The following FHIP1A variants were observed in gnomAD, a reference collection of about 807,000 sequenced individuals.
The protein encoded by FHIP1A is FHF complex subunit HOOK-interacting protein 1A.
Under a neutral mutation model 88.6 loss-of-function variants are expected in FHIP1A, and 61 were observed. That is an observed-to-expected ratio of 0.69 (90% CI 0.56 to 0.85). The LOEUF (loss-of-function observed/expected upper bound fraction) is 0.85, where lower values mean the gene tolerates loss of function less well. Ranked by LOEUF, FHIP1A falls within the 40% of genes least tolerant of loss-of-function variation. The pLI is 0.00. For synonymous variants in FHIP1A, 478 were observed against 496.0 expected (o/e 0.96, Z 0.48); for missense variants, 1,154 against 1,273.5 (o/e 0.91, Z 1.43).
At chr4:151,466,035 G>C (rs1322611178) in intron 2 of FHIP1A, among the ~76,000 whole-genome samples, 1 of 152,146 alleles carries the variant, frequency 6.6e-6, no homozygotes, top group Non-Finnish European at 1.5e-5. Flanking sequence ...AAGAGAGGAA[G>C]TCAAATTGTC....
At chr4:151,451,266 C>T (rs1728778731) in intron 1 of FHIP1A, among the ~76,000 whole-genome samples, 1 of 151,738 alleles carries the variant, frequency 6.6e-6, no homozygotes, top group East Asian at 1.9e-4. Context: ...AGATATTTTT[C>T]CCAGGTTACC....
chr4:151,619,434 A>G (rs941323461), intron 7 of FHIP1A, among the ~76,000 whole-genome samples: 2 of 152,248 alleles, frequency 1.3e-5, no homozygotes, highest in Non-Finnish European at 2.9e-5. Flanking sequence ...TTGGTAGGTC[A>G]CAATTTAAAG....
At chr4:151,455,559 GGT>G (rs1347973007) in intron 2 of FHIP1A, among the ~76,000 whole-genome samples, 1 of 152,170 alleles carries the variant, frequency 6.6e-6, no homozygotes, top group Non-Finnish European at 1.5e-5. Context: ...ACTTTCTTGA[GGT>G]GTGGCCCACC....
At chr4:151,485,717 G>C (rs1730060010) in intron 3 of FHIP1A, among the ~76,000 whole-genome samples, 1 of 151,724 alleles carries the variant, frequency 6.6e-6, no homozygotes, top group Non-Finnish European at 1.5e-5. Flanking sequence ...TCAGCTTCCT[G>C]AGTAGCTGGT....
At chr4:151,518,616 T>C (rs1301603158) in intron 3 of FHIP1A, among the ~76,000 whole-genome samples, 1 of 151,298 alleles carries the variant, frequency 6.6e-6, no homozygotes, top group Non-Finnish European at 1.5e-5. Flanking sequence ...TATACTTGCT[T>C]TGTCACATAA....
rs555443576 is a variant in FHIP1A at position 151,649,404 on chromosome 4, A to G, written c.1418-55A>G. 1.1e-3 allele frequency: 1,426 copies of G among 1,346,374 alleles called. 2 individuals carry two copies. The highest frequency in any genetic ancestry group is 1.4e-3 in the Non-Finnish European group (1,367 of 980,840). The allele number at this position is 1,346,374 out of a possible 1,614,324, so 83.4% of individuals were successfully genotyped here. A position where few individuals can be genotyped will look rare whatever the true frequency, so the allele number is the denominator to read the frequency against. On this transcript the variant is annotated intron_variant, in intron 10 of 13. Transcript: ENST00000435205. ...GCCCGAATGGGTCACAACCCCATCC[A>G]CTACCTTTGTCCCCACACCTCCCTT... is the stretch of plus-strand genomic sequence containing the variant.
intron 3 of FHIP1A, among the ~76,000 whole-genome samples, chr4:151,564,212 T>G (rs573330686): frequency 1.6e-4 from 24 of 152,354 alleles, no homozygotes; most frequent in African/African-American, 5.5e-4. Flanking sequence ...TGAAGAAGAA[T>G]CTTTGAATTC....
chr4:151,630,366 A>G (rs531799176), intron 8 of FHIP1A, among the ~76,000 whole-genome samples: 1 of 152,290 alleles, frequency 6.6e-6, no homozygotes, highest in Admixed American at 6.5e-5. Flanking sequence ...CTCCTCCCCA[A>G]AGGCTATCTC....
In FHIP1A at chr4:151,577,657, A is replaced by T; in HGVS notation, c.313A>T (p.Ser105Cys). ...CATCATGGAGAAACTTTTCCTTTGG[A>T]GCTTGAGAAGGGAGTTTACTGATGA... ...ENIMEKLFLW[S>C]LRREFTDETK... The change falls in exon 5 of 14, where the codon AGC (serine) becomes TGC (cysteine). Residue 105 changes from serine (S) to cysteine (C), a missense_variant. Coordinates refer to ENST00000435205, the MANE Select transcript of FHIP1A (RefSeq NM_001109977.3). 3 of 1,551,562 alleles carry T rather than the reference A, an allele frequency of 1.9e-6. No individual in the cohort carries two copies. The highest frequency in any genetic ancestry group is 2.6e-6 in the Non-Finnish European group (3 of 1,146,950).
chr4:151,434,573 T>C (rs902222829), intron 1 of FHIP1A, among the ~76,000 whole-genome samples: 6 of 152,224 alleles, frequency 3.9e-5, no homozygotes, highest in African/African-American at 1.4e-4. Context: ...CTTGGTCAAT[T>C]ATTCATTCCC....
chr4:151,449,484 G>A (rs994937677), intron 1 of FHIP1A, among the ~76,000 whole-genome samples: 14 of 151,948 alleles, frequency 9.2e-5, no homozygotes, highest in African/African-American at 3.4e-4. Flanking sequence ...TCAAATTAGG[G>A]TAGTTAGCAT....
intron 4 of FHIP1A, 121 bp downstream of exon 4, chr4:151,566,485 A>G (rs1474269273): frequency 3.2e-6 from 2 of 632,000 alleles, no homozygotes; most frequent in Admixed American, 3.3e-5. Context: ...CAGGGAGGGA[A>G]ACTCTTTCAG....
At chr4:151,435,784 CAAAAA>C (rs202118440) in intron 1 of FHIP1A, among the ~76,000 whole-genome samples, 28 of 121,388 alleles carry the variant, frequency 2.3e-4, no homozygotes, top group Admixed American at 2.6e-4. Context: ...AACTCTGTGT[CAAAAA>C]AAAAAAAAAA....
chr4:151,516,344 A>C (rs1459661694), intron 3 of FHIP1A, among the ~76,000 whole-genome samples: 3 of 151,934 alleles, frequency 2.0e-5, no homozygotes, highest in Admixed American at 1.3e-4. Flanking sequence ...AAACCATAAA[A>C]ACCCTAGAAG....
intron 1 of FHIP1A, among the ~76,000 whole-genome samples, chr4:151,419,103 G>C (rs1733012551): frequency 6.6e-6 from 1 of 152,146 alleles, no homozygotes; most frequent in Admixed American, 6.5e-5. Context: ...AACATTCTGG[G>C]TATGTCTGTG....
At position 151,666,902 on chromosome 4, in the gene FHIP1A, C is replaced by T. The variant is rs1737686317; in HGVS notation, c.*4148C>T. On this transcript the variant is annotated 3_prime_UTR_variant, in exon 14 of 14. Transcript: ENST00000435205. The stretch of plus-strand genomic sequence containing the variant: ...AACTGTCTTTATCTGGCTGCACCCC[C>T]TTTTAAGTAAGCCCTTAATTTTAAA... 6.6e-6 allele frequency among the ~76,000 whole-genome samples: 1 copy of T among 152,198 alleles called. No homozygotes were observed.
At chr4:151,422,005 A>C (rs991755114) in intron 1 of FHIP1A, among the ~76,000 whole-genome samples, 1 of 151,994 alleles carries the variant, frequency 6.6e-6, no homozygotes, top group African/African-American at 2.4e-5. Flanking sequence ...ACCATTTTTA[A>C]TGATGTTCCA....
At chr4:151,615,095 A>C (rs937870115) in intron 7 of FHIP1A, among the ~76,000 whole-genome samples, 3 of 152,144 alleles carry the variant, frequency 2.0e-5, no homozygotes, top group Non-Finnish European at 4.4e-5. Context: ...AAGGGCAGGG[A>C]GTGGTTATAA....
At chr4:151,645,690 C>A (rs1288267231) in intron 9 of FHIP1A, among the ~76,000 whole-genome samples, 2 of 151,442 alleles carry the variant, frequency 1.3e-5, no homozygotes, top group Admixed American at 1.3e-4. Flanking sequence ...GCTATAAGTT[C>A]TTTATCCCAT....
Sources: allele counts gnomAD v4.1 joint callset (sites outside exome capture counted in the v4.1 genomes callset), GRCh38; gene constraint gnomAD v4.1.1; transcripts MANE v1.5; gene names NCBI Gene and HGNC (gene_info 2026-07-23, HGNC 2026-07-21).